The following AKR1C1 variants were observed in gnomAD, a reference collection of about 807,000 sequenced individuals.
The protein encoded by AKR1C1 is aldo-keto reductase family 1 member C1, also known as 20 alpha-hydroxysteroid dehydrogenase.
A neutral mutation model predicts 40.6 loss-of-function variants in AKR1C1; 32 were observed. The observed-to-expected ratio is 0.79, with a 90% CI of 0.60 to 1.06. The LOEUF is 1.06. Among genes scored for constraint, AKR1C1 ranks in the 50% least tolerant of loss-of-function variants. The pLI is 0.00. For missense variants in AKR1C1, 320 were observed against 363.5 expected, an observed-to-expected ratio of 0.88 and a Z score of 0.97; for synonymous variants, 105 against 134.2, an observed-to-expected ratio of 0.78 and a Z score of 1.50.
At position 4,963,640 on chromosome 10, in the gene AKR1C1, G is replaced by A. The variant is rs1437641964; in HGVS notation, c.84+112G>A. ...TACTCTGCATGACTCCCCTTTAAAC[G>A]TCAGTCTTTGTTCTGCAATGCCATC... On this transcript the variant is annotated intron_variant, in intron 1 of 8. Transcript: ENST00000380872. The A allele has an allele frequency of 1.6e-4, 155 of 951,722 alleles. 1 individual carries two copies. Among genetic ancestry groups the A allele is most frequent in the Admixed American group, 1.1e-3 (55 of 50,746 alleles). The allele number at this position is 951,722 out of a possible 1,614,324, so 59.0% of individuals were successfully genotyped here. A position where few individuals can be genotyped will look rare whatever the true frequency, so the allele number is the denominator to read the frequency against.
intron 7 of AKR1C1, among the ~76,000 whole-genome samples, chr10:4,974,483 G>C (rs1554770263): frequency 6.6e-6 from 1 of 151,760 alleles, no homozygotes; most frequent in African/African-American, 2.4e-5. Flanking sequence ...GGTGAGTGTT[G>C]TGTCTTATCC....
Position 4,963,509 on chromosome 10 carries a change from G to T in AKR1C1, c.65G>T (p.Gly22Val), listed in dbSNP as rs1201654564. 1.9e-6 allele frequency: 3 copies of T among 1,613,414 alleles called. No individual in the cohort carries two copies. In the East Asian group the frequency reaches 6.7e-5, roughly 36 times the overall value. ...DGHFMPVLGF[G>V]TYAPAEVPKS... is the part of the protein sequence containing the mutation. ...CACTTCATGCCTGTCCTGGGATTTG[G>T]CACCTATGCGCCTGCAGAGGTAACA... The change falls in exon 1 of 9, where the codon GGC becomes GTC. Residue 22 changes from glycine (G) to valine (V), a missense_variant. Gly to Val is a moderately radical substitution (Grantham distance 109). Coordinates refer to ENST00000380872, the MANE Select transcript of AKR1C1 (RefSeq NM_001353.6).
rs533035280 is a variant in AKR1C1, at chr10:4,981,301, A to C, written c.*3559A>C. On this transcript the variant is annotated 3_prime_UTR_variant, in exon 9 of 9. Transcript: ENST00000380872. ...ATAGTAAATGAACATCATATGTTGT[A>C]ATATAGTTAGCCAGGGAGGGGAAAG... 6.6e-6 allele frequency: 1 copy of C among 152,218 alleles called. No individual in the cohort carries two copies. Among genetic ancestry groups the C allele is most frequent in the Non-Finnish European group, 1.5e-5 (1 of 68,030 alleles). The allele number at this position is 152,218 out of a possible 1,614,324, so 9.4% of individuals were successfully genotyped here.
intron 7 of AKR1C1, among the ~76,000 whole-genome samples, chr10:4,974,984 A>G (rs1836503627): frequency 6.6e-6 from 1 of 152,074 alleles, no homozygotes; most frequent in South Asian, 2.1e-4. Context: ...CAATGTGGAG[A>G]GAACTAAATG....
chr10:4,968,100 C>T lies in AKR1C1; in HGVS notation c.370-209C>T, dbSNP rs1836358488. 4.9e-6 allele frequency: 5 copies of T among 1,020,848 alleles called. No individual in the cohort carries two copies. In the South Asian group the frequency reaches 9.1e-5, roughly 19 times the overall value. 63.2% of individuals were successfully genotyped at this position (1,020,848 alleles called of 1,614,324 possible). A position where few individuals can be genotyped will look rare whatever the true frequency, so the allele number is the denominator to read the frequency against. On this transcript the variant is annotated intron_variant, in intron 3 of 8. Coordinates refer to ENST00000380872, the MANE Select transcript of AKR1C1 (RefSeq NM_001353.6). Reference sequence around the variant, plus strand: ...AACCAGAAAGAGGTATTTATTTATACATGTAATAGTTGTAAGAGATTAGAG... The same window carrying T: ...AACCAGAAAGAGGTATTTATTTATATATGTAATAGTTGTAAGAGATTAGAG...
intron 2 of AKR1C1, among the ~76,000 whole-genome samples, chr10:4,966,685 C>A (rs1347859029): frequency 6.6e-6 from 1 of 152,184 alleles, no homozygotes; most frequent in East Asian, 1.9e-4. Context: ...GATTTGATAA[C>A]AACTTTTACC....
chr10:4,968,305 T>C lies in AKR1C1; in HGVS notation c.370-4T>C, dbSNP rs759769990. ...CATCACTAAACTGACTGCTTCTACT[T>C]CAGCCAGGTGAGGAAGTGATCCCAA... On this transcript the variant is annotated splice_polypyrimidine_tract_variant and splice_region_variant and intron_variant, in intron 3 of 8. Transcript: ENST00000380872. 2.2e-5 allele frequency: 33 copies of C among 1,531,604 alleles called. No individual in the cohort carries two copies. Among genetic ancestry groups the C allele is most frequent in the Admixed American group, 7.7e-5 (4 of 52,152 alleles). 94.9% of individuals were successfully genotyped at this position (1,531,604 alleles called of 1,614,324 possible).
chr10:4,974,307 ATATG>A (rs1269376547), intron 7 of AKR1C1, among the ~76,000 whole-genome samples: 1 of 151,908 alleles, frequency 6.6e-6, no homozygotes, highest in Non-Finnish European at 1.5e-5. Flanking sequence ...CCATACATAT[ATATG>A]TATTTATTCT....
chr10:4,966,123 G>T (rs765676735), intron 2 of AKR1C1, 42 bp downstream of exon 2: 1 of 1,584,916 alleles, frequency 6.3e-7, no homozygotes, highest in Non-Finnish European at 8.6e-7. Flanking sequence ...TGTATTTATT[G>T]TGATTGTGTG....
chr10:4,979,668 C>T lies in AKR1C1; in HGVS notation c.*1926C>T, dbSNP rs1382480281. Reference sequence around the variant, plus strand: ...TTAGGTCAGTCATTTGTAAATAGTACATCTGCTATGGACTTTTTCCAGTTC... The same window carrying T: ...TTAGGTCAGTCATTTGTAAATAGTATATCTGCTATGGACTTTTTCCAGTTC... On this transcript the variant is annotated 3_prime_UTR_variant, in exon 9 of 9. Transcript: ENST00000380872. The T allele has an allele frequency of 2.6e-5, 4 of 152,122 alleles. No individual in the cohort carries two copies. The highest frequency in any genetic ancestry group is 4.4e-5 in the Non-Finnish European group (3 of 68,030). The allele number at this position is 152,122 out of a possible 1,614,324, so 9.4% of individuals were successfully genotyped here.
rs1336286107 is a variant in AKR1C1 at position 4,979,937 on chromosome 10, T to C, written c.*2195T>C. On this transcript the variant is annotated 3_prime_UTR_variant, in exon 9 of 9. Coordinates refer to ENST00000380872, the MANE Select transcript of AKR1C1 (RefSeq NM_001353.6). ...AAGACTTCTTGTAAATGTGAACATATGGTAAAATATAAAAACATGTATTTT... is the reference window on the plus strand; with the variant it reads ...AAGACTTCTTGTAAATGTGAACATACGGTAAAATATAAAAACATGTATTTT... 10 of 148,340 alleles carry C rather than the reference T, an allele frequency of 6.7e-5. No homozygotes were observed. Among genetic ancestry groups the C allele is most frequent in the Non-Finnish European group, 1.2e-4 (8 of 67,424 alleles). 9.2% of individuals were successfully genotyped at this position (148,340 alleles called of 1,614,324 possible).
chr10:4,973,788 A>T (rs3890643), intron 7 of AKR1C1, among the ~76,000 whole-genome samples: 1 of 151,814 alleles, frequency 6.6e-6, no homozygotes, highest in African/African-American at 2.4e-5. Flanking sequence ...ATGTATGAAT[A>T]TGAATATATA....
intron 3 of AKR1C1, chr10:4,967,515 T>G (rs923138894): frequency 5.9e-5 from 58 of 984,106 alleles, no homozygotes; most frequent in Non-Finnish European, 6.5e-5. Context: ...TTGCTTCTGC[T>G]TCCTCTCTTT....
intron 8 of AKR1C1, among the ~76,000 whole-genome samples, chr10:4,976,989 A>G (rs1554770532): frequency 6.6e-6 from 1 of 152,274 alleles, no homozygotes; most frequent in African/African-American, 2.4e-5. Context: ...GTTATTTTGT[A>G]GAACTCAAAT....
chr10:4,965,849 A>G lies in AKR1C1; in HGVS notation c.85-65A>G, dbSNP rs544886226. The stretch of plus-strand genomic sequence containing the variant: ...AAAGCTGATTTTTGTGAACGTCGCT[A>G]CTTGTGCCTGAACTAACTCTCAGGC... On this transcript the variant is annotated intron_variant, in intron 1 of 8. Transcript: ENST00000380872. The G allele has an allele frequency of 1.0e-5, 16 of 1,547,758 alleles. No homozygotes were observed. In the African/African-American group the frequency reaches 1.8e-4, roughly 17 times the overall value.
Position 4,968,952 on chromosome 10 carries a change from C to T in AKR1C1, c.570+8C>T. Reference sequence around the variant, plus strand: ...AAGCCTGTCTGCAACCAGGTGAGCACCCTCAGCCTCCTCTCCTTTCTGTTC... The same window carrying T: ...AAGCCTGTCTGCAACCAGGTGAGCATCCTCAGCCTCCTCTCCTTTCTGTTC... On this transcript the variant is annotated splice_region_variant and intron_variant, in intron 5 of 8. Transcript: ENST00000380872. 1.2e-6 allele frequency: 2 copies of T among 1,614,176 alleles called. No homozygotes were observed. The highest frequency in any genetic ancestry group is 1.7e-6 in the Non-Finnish European group (2 of 1,180,014).
In AKR1C1 at chr10:4,968,685, C is replaced by G. The variant is rs1456379711; in HGVS notation, c.448-137C>G. 4 of 1,422,400 alleles carry G rather than the reference C, an allele frequency of 2.8e-6. No homozygotes were observed. The African/African-American group carries it at 5.7e-5, about 20-fold the overall frequency. The allele number at this position is 1,422,400 out of a possible 1,614,324, so 88.1% of individuals were successfully genotyped here. ...CTCTTGCAATCACTATCTTCTTCCC[C>G]AATTTTCTGTTTTATTTTTTCCCTT... On this transcript the variant is annotated intron_variant, in intron 4 of 8. Transcript: ENST00000380872.
In AKR1C1 at chr10:4,963,520, C is replaced by T. The variant is rs755613712; in HGVS notation, c.76C>T (p.Pro26Ser). The T allele has an allele frequency of 1.2e-6, 2 of 1,610,736 alleles. No individual in the cohort carries two copies. The highest frequency in any genetic ancestry group is 1.7e-6 in the Non-Finnish European group (2 of 1,177,610). Residue 26 changes from proline (P) to serine (S), a missense_variant, in exon 1 of 9, where the codon CCT becomes TCT. This residue lies in a region of AKR1C1 where 214 missense variants were observed against 214.8 expected (regional missense o/e 1.00). Transcript: ENST00000380872. The part of the protein sequence containing the change: ...MPVLGFGTYA[P>S]AEVPKSKALE... ...TGTCCTGGGATTTGGCACCTATGCG[C>T]CTGCAGAGGTAACAATAATATTTTT...
chr10:4,964,685 A>T (rs979572307), intron 1 of AKR1C1, among the ~76,000 whole-genome samples: 1 of 152,222 alleles, frequency 6.6e-6, no homozygotes, highest in Non-Finnish European at 1.5e-5. Flanking sequence ...TATGTTTCCT[A>T]AAAGAGTTGC....
Sources: gnomAD v4.1 joint callset for allele counts (sites outside exome capture counted in the v4.1 genomes callset) on GRCh38, gnomAD v4.1.1 for gene constraint, gnomAD v4.1.1 regional missense constraint, MANE v1.5 for transcripts, NCBI Gene and HGNC (gene_info 2026-07-23, HGNC 2026-07-21) for gene names.